Variants in CSGALNACT1 observed in about 807,000 individuals in gnomAD.
CSGALNACT1 encodes beta4GalNAcT-1.
CSGALNACT1 carries 52 observed loss-of-function variants against 51.0 expected under a neutral mutation model. The ratio of observed to expected loss-of-function variants is 1.02; its 90% CI spans 0.82 to 1.29. CSGALNACT1 has a LOEUF of 1.29. CSGALNACT1 is among the 50% of genes most tolerant of loss of function. The pLI is 0.00. For synonymous variants in CSGALNACT1, 341 were observed against 254.4 expected, an observed-to-expected ratio of 1.34 and a Z score of -3.24; for missense variants, 935 against 679.2, an observed-to-expected ratio of 1.38 and a Z score of -4.19.
chr8:19,454,234 A>C (rs994334161), intron 5 of CSGALNACT1, among the ~76,000 whole-genome samples: 5 of 152,238 alleles, frequency 3.3e-5, no homozygotes, highest in Non-Finnish European at 7.3e-5. Context: ...TCTTGACCAT[A>C]CAATATAGCC....
intron 1 of CSGALNACT1, among the ~76,000 whole-genome samples, chr8:19,689,353 C>A (rs2061160847): frequency 6.6e-6 from 1 of 152,182 alleles, no homozygotes; most frequent in Non-Finnish European, 1.5e-5. Context: ...CCCAACTGAG[C>A]TCTGGTCAAC....
At chr8:19,573,116 A>G (rs913318888) in intron 3 of CSGALNACT1, among the ~76,000 whole-genome samples, 17 of 152,194 alleles carry the variant, frequency 1.1e-4, no homozygotes, top group Non-Finnish European at 2.2e-4. Flanking sequence ...CCATGGCGGT[A>G]GCATTCGGAG....
At chr8:19,437,478 G>C in intron 6 of CSGALNACT1, among the ~76,000 whole-genome samples, 1 of 152,118 alleles carries the variant, frequency 6.6e-6, no homozygotes, top group Non-Finnish European at 1.5e-5. Context: ...GCTGGCTGCA[G>C]AGGTCTGGGC....
exon 1 of CSGALNACT1, chr8:19,682,581 G>T (rs538334700): frequency 2.4e-4 from 111 of 453,414 alleles, no homozygotes; most frequent in Admixed American, 7.1e-4. Flanking sequence ...TCCACCTAAG[G>T]AGAGCACTCA....
upstream of CSGALNACT1, among the ~76,000 whole-genome samples, chr8:19,607,163 A>T (rs1302669235): frequency 1.3e-5 from 2 of 152,136 alleles, no homozygotes; most frequent in African/African-American, 4.8e-5. Flanking sequence ...TCAAAAAAAA[A>T]AAAAAAGATT....
intron 8 of CSGALNACT1, among the ~76,000 whole-genome samples, chr8:19,409,498 TATAGAGAGAG>T (rs1010366235): frequency 3.5e-4 from 39 of 110,992 alleles, no homozygotes; most frequent in African/African-American, 1.2e-3. Context: ...TATATATATA[TATAGAGAGAG>T]AGAGAGAGAG....
intron 1 of CSGALNACT1, among the ~76,000 whole-genome samples, chr8:19,752,488 G>T (rs1259778623): frequency 6.6e-6 from 1 of 152,196 alleles, no homozygotes; most frequent in African/African-American, 2.4e-5. Flanking sequence ...TTGAGAAACA[G>T]AAGTAGAAAG....
intron 2 of CSGALNACT1, among the ~76,000 whole-genome samples, chr8:19,600,047 G>T (rs1456135005): frequency 6.6e-6 from 1 of 152,114 alleles, no homozygotes; most frequent in Non-Finnish European, 1.5e-5. Context: ...CTCCACCATG[G>T]TTCATTCTTG....
In CSGALNACT1 at chr8:19,483,090, G is replaced by A. The variant is rs548674772; in HGVS notation, c.634+22111C>T. ...GCCCCATGGGTTCTGATCCCTCAGG[G>A]TCTCTGGAATCACCCACTTCTCTTA... On this transcript the variant is annotated intron_variant, in intron 4 of 9. Transcript: ENST00000454498. Among the ~76,000 whole-genome samples, 5 of 152,262 alleles carry A rather than the reference G, an allele frequency of 3.3e-5. No individual in the cohort carries two copies. The East Asian group carries it at 9.6e-4, about 29-fold the overall frequency.
intron 1 of CSGALNACT1, among the ~76,000 whole-genome samples, chr8:19,677,019 A>G (rs2060243826): frequency 6.6e-6 from 1 of 152,254 alleles, no homozygotes; most frequent in South Asian, 2.1e-4. Flanking sequence ...AAGAGGATCA[A>G]GAAAAGAAAG....
At chr8:19,747,129 G>C (rs1437829180) in intron 1 of CSGALNACT1, among the ~76,000 whole-genome samples, 1 of 152,152 alleles carries the variant, frequency 6.6e-6, no homozygotes, top group African/African-American at 2.4e-5. Context: ...AAAGTCACTG[G>C]TTACCCTCTG....
At chr8:19,420,456 C>G (rs775201242) in exon 7 of CSGALNACT1, 2 of 1,614,190 alleles carry the variant, frequency 1.2e-6, no homozygotes, top group East Asian at 2.2e-5. Context: ...AACATCAAGT[C>G]CCTTTCCCCG....
At chr8:19,698,864 TC>T in intron 1 of CSGALNACT1, among the ~76,000 whole-genome samples, 1 of 152,264 alleles carries the variant, frequency 6.6e-6, no homozygotes, top group Admixed American at 6.5e-5. Context: ...GTTCCAGGAC[TC>T]CCCACAGATA....
At chr8:19,428,417 C>T (rs1007591212) in intron 6 of CSGALNACT1, among the ~76,000 whole-genome samples, 5 of 152,076 alleles carry the variant, frequency 3.3e-5, no homozygotes, top group African/African-American at 1.2e-4. Context: ...AAAGAGATCT[C>T]CCCTTGTAAA....
chr8:19,546,030 T>C (rs2086392399), intron 3 of CSGALNACT1, among the ~76,000 whole-genome samples: 1 of 152,076 alleles, frequency 6.6e-6, no homozygotes, highest in South Asian at 2.1e-4. Context: ...GGTCATACAG[T>C]TGTCATACCA....
intron 1 of CSGALNACT1, among the ~76,000 whole-genome samples, chr8:19,689,295 T>C (rs1420866574): frequency 1.3e-5 from 2 of 152,184 alleles, no homozygotes; most frequent in African/African-American, 4.8e-5. Context: ...TGGCGTGTTC[T>C]ACATGAAGAG....
At chr8:19,727,297 T>C (rs1280716658) in intron 1 of CSGALNACT1, among the ~76,000 whole-genome samples, 1 of 151,048 alleles carries the variant, frequency 6.6e-6, no homozygotes, top group Non-Finnish European at 1.5e-5. Flanking sequence ...CTGCACCTAG[T>C]AATTACAAAA....
intron 4 of CSGALNACT1, among the ~76,000 whole-genome samples, chr8:19,503,400 A>G (rs1456220191): frequency 6.6e-6 from 1 of 152,230 alleles, no homozygotes; most frequent in East Asian, 1.9e-4. Context: ...CTTACGTGTT[A>G]AACTACTGTG....
intron 3 of CSGALNACT1, among the ~76,000 whole-genome samples, chr8:19,576,082 C>T (rs2044145069): frequency 6.6e-6 from 1 of 152,124 alleles, no homozygotes; most frequent in Non-Finnish European, 1.5e-5. Flanking sequence ...GCTAGCCACA[C>T]CCCATCCCTG....
Sources: gnomAD v4.1 joint callset for allele counts (sites outside exome capture counted in the v4.1 genomes callset) on GRCh38, gnomAD v4.1.1 for gene constraint, MANE v1.5 for transcripts, NCBI Gene and HGNC (gene_info 2026-07-23, HGNC 2026-07-21) for gene names.